Variants in TMX3 observed in about 807,000 individuals in gnomAD.
TMX3 encodes the protein thioredoxin related transmembrane protein 3.
In TMX3, 40 loss-of-function variants were observed where a neutral mutation model predicts 64.4. That is an observed-to-expected ratio of 0.62 (90% CI 0.48 to 0.81). The LOEUF (loss-of-function observed/expected upper bound fraction) is 0.81. Ranked by LOEUF, TMX3 falls within the 30% of genes least tolerant of loss-of-function variation. The pLI is 0.00. For synonymous variants in TMX3, 189 were observed against 175.7 expected, an observed-to-expected ratio of 1.08 and a Z score of -0.60; for missense variants, 497 against 534.5, an observed-to-expected ratio of 0.93 and a Z score of 0.69.
chr18:68,697,127 ATAATT>A (rs1416101286), intron 8 of TMX3, 94 bp downstream of exon 8: 3 of 689,618 alleles, frequency 4.4e-6, no homozygotes, highest in African/African-American at 3.7e-5. Flanking sequence ...ATTAAAATCA[ATAATT>A]TAATCAAGTA....
intron 9 of TMX3, among the ~76,000 whole-genome samples, chr18:68,689,334 C>CAA (rs1246958582): frequency 6.7e-6 from 1 of 150,120 alleles, no homozygotes; most frequent in East Asian, 2.0e-4. Flanking sequence ...TAGGCAGGCT[C>CAA]AAAAACCTGA....
intron 1 of TMX3, 103 bp from the exon 2 acceptor site, chr18:68,714,003 C>CA: frequency 1.6e-6 from 1 of 639,930 alleles, no homozygotes; most frequent in Non-Finnish European, 2.5e-6. Flanking sequence ...CACAACCTAC[C>CA]AAAAAATTCA....
At position 68,676,923 on chromosome 18, in the gene TMX3, T is replaced by G. The variant is rs1358006146; in HGVS notation, c.*10A>C. On this transcript the variant is annotated 3_prime_UTR_variant, in exon 16 of 16. Transcript: ENST00000299608. ...TGAAGTCCTAACAAATATTTTATAG[T>G]CATCAAGTCTCAATCTTTCTTCTTT... The G allele has an allele frequency of 6.2e-7, 1 of 1,605,840 alleles. No homozygotes were observed.
chr18:68,701,123 A>G, intron 5 of TMX3: 1 of 690,994 alleles, frequency 1.4e-6, no homozygotes, highest in African/African-American at 2.0e-5. Flanking sequence ...GGCTAAGCAA[A>G]CATTTTTAAA....
intron 4 of TMX3, chr18:68,706,329 T>G (rs1255358347): frequency 6.6e-6 from 1 of 152,278 alleles, no homozygotes; most frequent in Non-Finnish European, 1.5e-5. Flanking sequence ...GAGAATCACT[T>G]GAACCCGGGA....
chr18:68,683,572 G>C (rs1913654976), intron 12 of TMX3, among the ~76,000 whole-genome samples: 1 of 152,048 alleles, frequency 6.6e-6, no homozygotes, highest in Non-Finnish European at 1.5e-5. Flanking sequence ...AGTCATTTAT[G>C]TCCAATTATA....
chr18:68,697,393 G>T lies in TMX3; in HGVS notation c.493-90C>A, dbSNP rs77394494. 13,777 of 626,886 alleles carry T rather than the reference G, an allele frequency of 0.022. 668 individuals carry two copies. The highest frequency in any genetic ancestry group is 0.14 in the African/African-American group (7,170 of 52,710). 38.8% of individuals were successfully genotyped at this position (626,886 alleles called of 1,614,324 possible). ...TAAACAATGAGAGTTACCTTATGTA[G>T]TAAGAGTCATCACCTTAATGTGCTA... is the stretch of plus-strand genomic sequence containing the variant. On this transcript the variant is annotated intron_variant, in intron 7 of 15. Transcript: ENST00000299608.
intron 3 of TMX3, 72 bp from the exon 4 acceptor site, chr18:68,710,216 T>C (rs1229771745): frequency 1.6e-6 from 2 of 1,264,410 alleles, no homozygotes; most frequent in African/African-American, 1.6e-5. Context: ...TAAATATGAA[T>C]CTTAATATTT....
At chr18:68,711,017 C>G (rs912459559) in intron 3 of TMX3, among the ~76,000 whole-genome samples, 3 of 152,112 alleles carry the variant, frequency 2.0e-5, no homozygotes, top group Non-Finnish European at 4.4e-5. Flanking sequence ...TATACTCAAT[C>G]TCTTGGAAAC....
At chr18:68,710,177 A>G in intron 3 of TMX3, 33 bp from the exon 4 acceptor site, 1 of 1,495,542 alleles carries the variant, frequency 6.7e-7, no homozygotes, top group Non-Finnish European at 8.9e-7. Flanking sequence ...CAAACAAAAA[A>G]AGATAACCAT....
At chr18:68,681,629 TGTTAA>T in intron 13 of TMX3, 5 of 985,428 alleles carry the variant, frequency 5.1e-6, no homozygotes, top group African/African-American at 1.7e-5. Context: ...ACTTCAGATT[TGTTAA>T]GTTCACTCCC....
At chr18:68,693,578 C>T (rs962408803) in intron 8 of TMX3, among the ~76,000 whole-genome samples, 7 of 152,128 alleles carry the variant, frequency 4.6e-5, no homozygotes, top group Admixed American at 3.9e-4. Context: ...GTGTGCTTGG[C>T]GCGGCGCTGA....
At position 68,700,504 on chromosome 18, in the gene TMX3, A is replaced by T. The variant is rs522607; in HGVS notation, c.312-19T>A. On this transcript the variant is annotated intron_variant, in intron 5 of 15. Transcript: ENST00000299608. ...TTTTAATCTTTAAAAAAAAAAAAAA[A>T]TTAAAACCTGGATTGTTCTAACAGT... 1 of 1,432,810 alleles carries T rather than the reference A, an allele frequency of 7.0e-7. No homozygotes were observed. The highest frequency in any genetic ancestry group is 1.4e-5 in the African/African-American group (1 of 69,260). The allele number at this position is 1,432,810 out of a possible 1,614,324, so 88.8% of individuals were successfully genotyped here.
intron 7 of TMX3, chr18:68,697,604 A>G (rs1156319281): frequency 2.9e-6 from 1 of 343,958 alleles, no homozygotes; most frequent in East Asian, 4.8e-5. Flanking sequence ...TTATAGGAAG[A>G]TATGTGTGTA....
Position 68,698,020 on chromosome 18 carries a change from C to T in TMX3, c.404G>A (p.Arg135Gln), listed in dbSNP as rs1280122203. 3.7e-6 allele frequency: 6 copies of T among 1,609,484 alleles called. No homozygotes were observed. The highest frequency in any genetic ancestry group is 2.7e-5 in the African/African-American group (2 of 74,812). Reference sequence around the variant, plus strand: ...AAACATTTGTTGACTTGGAAGTGGCCGAATTAGAGCCCTGTTGCACAACAA... The same window carrying T: ...AAACATTTGTTGACTTGGAAGTGGCTGAATTAGAGCCCTGTTGCACAACAA... ...FAHRVSGALI[R>Q]PLPSQQMFEH... Residue 135 changes from arginine (R) to glutamine (Q), a missense_variant, in exon 7 of 16, where the codon CGG becomes CAG. This residue lies in a region of TMX3 where 360 missense variants were observed against 383.5 expected (regional missense o/e 0.94). Coordinates refer to ENST00000299608, the MANE Select transcript of TMX3 (RefSeq NM_019022.5).
chr18:68,709,082 T>C (rs747800851), intron 4 of TMX3, among the ~76,000 whole-genome samples: 5 of 152,120 alleles, frequency 3.3e-5, no homozygotes, highest in Non-Finnish European at 5.9e-5. Context: ...ATACAAAAGA[T>C]TTTATATCTG....
chr18:68,676,965 G>A lies in TMX3; in HGVS notation c.1333C>T (p.Pro445Ser). The A allele has an allele frequency of 6.2e-7, 1 of 1,613,388 alleles. No individual in the cohort carries two copies. The highest frequency in any genetic ancestry group is 8.5e-7 in the Non-Finnish European group (1 of 1,179,712). ...GGSVVPTVQE[P>S]KDVLEKKKD ...TTCTTCTTTTCTAATACATCCTTGG[G>A]CTCCTGCACTGTAGGCACTACAGAT... The change falls in exon 16 of 16, where the codon CCC becomes TCC. Residue 445 changes from proline to serine, a missense_variant. Transcript: ENST00000299608.
intron 9 of TMX3, chr18:68,688,660 C>G (rs1471821542): frequency 1.3e-5 from 2 of 152,068 alleles, no homozygotes; most frequent in Non-Finnish European, 2.9e-5. Flanking sequence ...CAATGCAAAT[C>G]TCAAAGAATT....
chr18:68,695,261 A>G (rs543680114), intron 8 of TMX3, among the ~76,000 whole-genome samples: 19 of 152,284 alleles, frequency 1.2e-4, no homozygotes, highest in Admixed American at 1.2e-3. Context: ...ACTTCTTTTA[A>G]AACACTTCGT....
Sources: gnomAD v4.1 joint callset for allele counts (sites outside exome capture counted in the v4.1 genomes callset) on GRCh38, gnomAD v4.1.1 for gene constraint, gnomAD v4.1.1 regional missense constraint, MANE v1.5 for transcripts, NCBI Gene and HGNC (gene_info 2026-07-23, HGNC 2026-07-21) for gene names.